The following FRAS1 variants were observed in gnomAD, a reference collection of about 807,000 sequenced individuals.
The protein encoded by FRAS1 is extracellular matrix organizing protein FRAS1.
Under a neutral mutation model 435.2 loss-of-function variants are expected in FRAS1, and 290 were observed. That is an observed-to-expected ratio of 0.67 (90% CI 0.61 to 0.73). The LOEUF (loss-of-function observed/expected upper bound fraction) is 0.73. Among genes scored for constraint, FRAS1 ranks in the 30% least tolerant of loss-of-function variants. The probability of loss-of-function intolerance (pLI) is 0.00; values close to 1 mark genes in which losing one functional copy is unlikely to be tolerated. For synonymous variants in FRAS1, 1,800 were observed against 1,851.0 expected (o/e 0.97, Z 0.71); for missense variants, 4,860 against 5,001.5 (o/e 0.97, Z 0.85).
intron 13 of FRAS1, 127 bp from the exon 14 acceptor site, chr4:78,286,278 T>C (rs1376666393): frequency 6.7e-6 from 7 of 1,046,462 alleles, no homozygotes; most frequent in Non-Finnish European, 1.0e-5. Context: ...GTTAAAATTA[T>C]TTTTCTGCAT....
At chr4:78,387,060 C>A (rs971097253) in intron 28 of FRAS1, among the ~76,000 whole-genome samples, 4 of 152,090 alleles carry the variant, frequency 2.6e-5, no homozygotes, top group Non-Finnish European at 5.9e-5. Flanking sequence ...TCTTATTAGT[C>A]TCTTTTGGGA....
At chr4:78,184,701 A>G (rs1359118766) in intron 2 of FRAS1, among the ~76,000 whole-genome samples, 2 of 152,186 alleles carry the variant, frequency 1.3e-5, no homozygotes, top group African/African-American at 2.4e-5. Flanking sequence ...AGGGAGAGCA[A>G]TTGTGGACCC....
At chr4:78,249,369 C>G in intron 4 of FRAS1, among the ~76,000 whole-genome samples, 1 of 126,262 alleles carries the variant, frequency 7.9e-6, no homozygotes, top group Admixed American at 9.4e-5. Flanking sequence ...CACTCTGTCT[C>G]CCAGTTGCAG....
intron 6 of FRAS1, among the ~76,000 whole-genome samples, chr4:78,258,820 A>G (rs1725927711): frequency 7.3e-6 from 1 of 136,792 alleles, no homozygotes; most frequent in African/African-American, 2.7e-5. Context: ...CTCGTCATCT[A>G]GCATTAGGTA....
chr4:78,430,473 A>G lies in FRAS1; in HGVS notation c.4969+56A>G, dbSNP rs1734171833. ...ACCTGCTTGGAGGATTTTTTGCTCT[A>G]CAATCAGTTGTTATGTGTCTCAGAC... On this transcript the variant is annotated intron_variant, in intron 37 of 73. Transcript: ENST00000512123. 4 of 1,571,738 alleles carry G rather than the reference A, an allele frequency of 2.5e-6. No homozygotes were observed. In the African/African-American group the frequency reaches 4.1e-5, roughly 16 times the overall value.
rs764132692 is a variant in FRAS1 at position 78,419,070 on chromosome 4, T to A, written c.4540+7T>A. On this transcript the variant is annotated splice_region_variant and intron_variant, in intron 33 of 73. Transcript: ENST00000512123. ...CCTCTGCATCCAAATCAAGGTAAGA[T>A]GTGCAGTAAATGATCTTTTGAGTGA... 6.9e-7 allele frequency: 1 copy of A among 1,456,390 alleles called. No individual in the cohort carries two copies. Among genetic ancestry groups the A allele is most frequent in the South Asian group, 1.3e-5 (1 of 77,528 alleles). The allele number at this position is 1,456,390 out of a possible 1,614,324, so 90.2% of individuals were successfully genotyped here. A position where few individuals can be genotyped will look rare whatever the true frequency, so the allele number is the denominator to read the frequency against.
chr4:78,082,757 AATTG>A (rs1461886450), intron 2 of FRAS1, among the ~76,000 whole-genome samples: 6 of 150,984 alleles, frequency 4.0e-5, no homozygotes, highest in African/African-American at 1.5e-4. Context: ...AAAATCAATT[AATTG>A]ATCCTTAAAA....
intron 6 of FRAS1, among the ~76,000 whole-genome samples, chr4:78,260,431 T>C (rs1195691013): frequency 6.6e-6 from 1 of 152,198 alleles, no homozygotes; most frequent in Non-Finnish European, 1.5e-5. Context: ...CCCTTGTAAG[T>C]TGGATTCCTA....
intron 2 of FRAS1, among the ~76,000 whole-genome samples, chr4:78,202,821 C>T (rs1254185026): frequency 6.6e-6 from 1 of 152,254 alleles, no homozygotes; most frequent in Non-Finnish European, 1.5e-5. Context: ...AGCACTGCCT[C>T]AGGTAAAGGG....
intron 2 of FRAS1, among the ~76,000 whole-genome samples, chr4:78,193,173 A>G (rs1276069592): frequency 6.6e-6 from 1 of 152,150 alleles, no homozygotes; most frequent in Non-Finnish European, 1.5e-5. Context: ...TACACTTGCC[A>G]AGGAGTGCTT....
At chr4:78,412,844 G>T (rs1358640248) in intron 31 of FRAS1, 125 bp from the exon 32 acceptor site, 7 of 454,284 alleles carry the variant, frequency 1.5e-5, no homozygotes, top group South Asian at 5.8e-5. Context: ...AGGGCAGAAT[G>T]AGAGTTGTAA....
intron 2 of FRAS1, among the ~76,000 whole-genome samples, chr4:78,170,134 T>C (rs1005513744): frequency 1.3e-5 from 2 of 152,150 alleles, no homozygotes; most frequent in African/African-American, 4.8e-5. Context: ...TTGGGTCTCC[T>C]GTTATTCTGT....
chr4:78,204,896 A>G (rs772630649), intron 2 of FRAS1, among the ~76,000 whole-genome samples: 2 of 152,066 alleles, frequency 1.3e-5, no homozygotes, highest in Non-Finnish European at 2.9e-5. Context: ...TTTTTTTCGT[A>G]TATTTTTGGG....
At chr4:78,170,792 T>A (rs967029080) in intron 2 of FRAS1, among the ~76,000 whole-genome samples, 1 of 152,092 alleles carries the variant, frequency 6.6e-6, no homozygotes, top group African/African-American at 2.4e-5. Flanking sequence ...ATTCTTTATA[T>A]GCCATCTGAG....
chr4:78,322,565 ATTCT>A lies in FRAS1; in HGVS notation c.2137+3582_2137+3585del, dbSNP rs964422956. Among the ~76,000 whole-genome samples, 19 of 146,454 alleles carry A rather than the reference ATTCT, an allele frequency of 1.3e-4. 1 individual carries two copies. Among genetic ancestry groups the A allele is most frequent in the Admixed American group, 7.9e-4 (12 of 15,096 alleles). ...TGCAGCTAATAAAAGCAAGAGACAGATTCTTTATAGGAAGAAGCAATTTACTTAG... is the reference window on the plus strand; with the variant it reads ...TGCAGCTAATAAAAGCAAGAGACAGATTATAGGAAGAAGCAATTTACTTAG... On this transcript the variant is annotated intron_variant, in intron 18 of 73. Coordinates refer to ENST00000512123, the MANE Select transcript of FRAS1 (RefSeq NM_025074.7).
intron 44 of FRAS1, among the ~76,000 whole-genome samples, 173 bp from the exon 45 acceptor site, chr4:78,449,978 T>G (rs886634614): frequency 6.6e-6 from 1 of 152,180 alleles, no homozygotes; most frequent in African/African-American, 2.4e-5. Context: ...ATGTCGGTAC[T>G]CTTTCACTAG....
intron 58 of FRAS1, among the ~76,000 whole-genome samples, chr4:78,485,141 C>T (rs1460492358): frequency 1.3e-5 from 2 of 152,220 alleles, no homozygotes; most frequent in South Asian, 2.1e-4. Context: ...TACTAAGCCT[C>T]ATTTTGCTCA....
chr4:78,173,436 C>T (rs1454496105), intron 2 of FRAS1, among the ~76,000 whole-genome samples: 2 of 152,158 alleles, frequency 1.3e-5, no homozygotes, highest in South Asian at 4.1e-4. Context: ...TTGTCACCTC[C>T]CGGAGGAGGT....
intron 2 of FRAS1, among the ~76,000 whole-genome samples, chr4:78,186,915 T>C (rs1173369726): frequency 6.6e-6 from 1 of 152,230 alleles, no homozygotes; most frequent in East Asian, 1.9e-4. Flanking sequence ...ATTATAGTAA[T>C]ATATGTACTT....
Sources: gnomAD v4.1 joint callset for allele counts (sites outside exome capture counted in the v4.1 genomes callset) on GRCh38, gnomAD v4.1.1 for gene constraint, MANE v1.5 for transcripts, NCBI Gene and HGNC (gene_info 2026-07-23, HGNC 2026-07-21) for gene names.